Variants in CNBD1 observed in about 807,000 individuals in gnomAD.
CNBD1 encodes cyclic nucleotide-binding domain-containing protein 1.
Under a neutral mutation model 54.4 loss-of-function variants are expected in CNBD1, and 71 were observed. The observed-to-expected ratio is 1.30, with a 90% CI of 1.08 to 1.59. The LOEUF (loss-of-function observed/expected upper bound fraction) is 1.59. Among genes scored for constraint, CNBD1 ranks in the 40% most tolerant of loss-of-function variants. The probability of loss-of-function intolerance (pLI) is 0.00; values close to 1 mark genes in which losing one functional copy is unlikely to be tolerated. For synonymous variants in CNBD1, 182 were observed against 170.7 expected, an observed-to-expected ratio of 1.07 and a Z score of -0.51; for missense variants, 659 against 518.0, an observed-to-expected ratio of 1.27 and a Z score of -2.64.
At chr8:87,336,847 T>A (rs956840619) in intron 8 of CNBD1, among the ~76,000 whole-genome samples, 1 of 152,216 alleles carries the variant, frequency 6.6e-6, no homozygotes, top group Non-Finnish European at 1.5e-5. Flanking sequence ...AGTTTCAGTC[T>A]TTGAAGCTAC....
At chr8:86,908,800 T>TTTTAGACGGAGTCC (rs1554629463) in intron 3 of CNBD1, among the ~76,000 whole-genome samples, 4 of 135,770 alleles carry the variant, frequency 2.9e-5, no homozygotes, top group African/African-American at 5.5e-5. Flanking sequence ...TTTTTTTTTT[T>TTTTAGACGGAGTCC]TGTGCTGAGG....
At chr8:87,115,653 C>T (rs1563474499) in intron 4 of CNBD1, among the ~76,000 whole-genome samples, 1 of 152,074 alleles carries the variant, frequency 6.6e-6, no homozygotes, top group Non-Finnish European at 1.5e-5. Context: ...TTGAAGTTCC[C>T]ACTAGAGAGC....
chr8:87,316,621 C>CT lies in CNBD1; in HGVS notation c.1042+29959dup, dbSNP rs540254059. On this transcript the variant is annotated intron_variant, in intron 8 of 10. Transcript: ENST00000518476. ...TAGATGTACAATAATTTCTATTACA[C>CT]TTTTTTTTTGCAATAGGAAACAAGT... Among the ~76,000 whole-genome samples the CT allele has an allele frequency of 2.0e-4, 30 of 150,632 alleles. 1 individual carries two copies. The highest frequency in any genetic ancestry group is 8.0e-4 in the Admixed American group (12 of 15,038).
intron 10 of CNBD1, among the ~76,000 whole-genome samples, chr8:87,377,138 T>A (rs886788119): frequency 4.7e-5 from 7 of 149,144 alleles, no homozygotes; most frequent in African/African-American, 1.5e-4. Flanking sequence ...TTTTATTTAT[T>A]TTTTTATGAT....
intron 2 of CNBD1, among the ~76,000 whole-genome samples, chr8:87,422,882 G>A (rs920596265): frequency 2.6e-5 from 4 of 152,090 alleles, no homozygotes; most frequent in Admixed American, 1.3e-4. Context: ...CCATTTTCAC[G>A]ATACTGATTC....
chr8:86,910,001 G>C (rs1360288024), intron 3 of CNBD1, among the ~76,000 whole-genome samples: 1 of 152,156 alleles, frequency 6.6e-6, no homozygotes, highest in African/African-American at 2.4e-5. Context: ...TTATGAGTCA[G>C]ATCTTCTCAA....
intron 6 of CNBD1, among the ~76,000 whole-genome samples, chr8:87,238,733 A>T (rs897902341): frequency 6.6e-6 from 1 of 152,090 alleles, no homozygotes; most frequent in African/African-American, 2.4e-5. Flanking sequence ...CTATTTATAT[A>T]CCAAGTCAGA....
At chr8:87,280,890 TATG>T (rs1270750858) in intron 6 of CNBD1, among the ~76,000 whole-genome samples, 4 of 151,518 alleles carry the variant, frequency 2.6e-5, no homozygotes, top group Admixed American at 6.6e-5. Flanking sequence ...AATTTACAAG[TATG>T]AGAAACTGTT....
At chr8:87,021,661 C>G (rs1048082515) in intron 4 of CNBD1, among the ~76,000 whole-genome samples, 3 of 152,174 alleles carry the variant, frequency 2.0e-5, no homozygotes, top group Non-Finnish European at 4.4e-5. Context: ...CCCATTGACA[C>G]TTGTAGGGTA....
chr8:87,199,335 T>A (rs553333697), intron 4 of CNBD1, among the ~76,000 whole-genome samples: 37 of 152,240 alleles, frequency 2.4e-4, no homozygotes, highest in South Asian at 4.1e-4. Context: ...CAACAACAGA[T>A]TTGAGTTGCC....
intron 10 of CNBD1, among the ~76,000 whole-genome samples, chr8:87,375,385 A>G (rs997323327): frequency 2.0e-5 from 3 of 151,880 alleles, no homozygotes; most frequent in Admixed American, 6.6e-5. Flanking sequence ...AGACAAACCA[A>G]TAATCAAAAT....
At chr8:87,427,155 C>T (rs1219527071) in intron 2 of CNBD1, among the ~76,000 whole-genome samples, 2 of 152,030 alleles carry the variant, frequency 1.3e-5, no homozygotes, top group South Asian at 2.1e-4. Context: ...GATATATGTG[C>T]TTTCAGACTC....
intron 4 of CNBD1, among the ~76,000 whole-genome samples, chr8:87,051,232 G>A (rs559197354): frequency 2.0e-5 from 3 of 152,292 alleles, no homozygotes; most frequent in Admixed American, 1.3e-4. Flanking sequence ...TGCTAGGGGA[G>A]GAGGGAATGC....
At chr8:87,419,642 A>G (rs945240483) in intron 2 of CNBD1, among the ~76,000 whole-genome samples, 2 of 151,966 alleles carry the variant, frequency 1.3e-5, no homozygotes, top group Admixed American at 1.3e-4. Flanking sequence ...GAGTAATGAA[A>G]TTGATACTGT....
At chr8:87,261,353 C>G (rs1808137018) in intron 6 of CNBD1, among the ~76,000 whole-genome samples, 1 of 151,966 alleles carries the variant, frequency 6.6e-6, no homozygotes, top group African/African-American at 2.4e-5. Flanking sequence ...TTGCTAGAAG[C>G]TTTACTTTGG....
intron 2 of CNBD1, among the ~76,000 whole-genome samples, chr8:87,407,173 A>G (rs1563590044): frequency 6.6e-6 from 1 of 152,066 alleles, no homozygotes; most frequent in Non-Finnish European, 1.5e-5. Context: ...TACTTACTAC[A>G]CCTATCTGTA....
At chr8:87,168,701 C>A (rs1175206161) in intron 4 of CNBD1, among the ~76,000 whole-genome samples, 3 of 151,980 alleles carry the variant, frequency 2.0e-5, no homozygotes, top group Non-Finnish European at 4.4e-5. Context: ...TTCTGTGCCT[C>A]CCTTATTTCA....
At chr8:87,360,467 T>G (rs1810503340) in intron 10 of CNBD1, among the ~76,000 whole-genome samples, 1 of 151,880 alleles carries the variant, frequency 6.6e-6, no homozygotes, top group South Asian at 2.1e-4. Flanking sequence ...TCCTCTGTTT[T>G]TCACATGCTA....
At chr8:87,124,108 A>G (rs1811946797) in intron 4 of CNBD1, among the ~76,000 whole-genome samples, 2 of 151,706 alleles carry the variant, frequency 1.3e-5, no homozygotes, top group Non-Finnish European at 3.0e-5. Context: ...AATGGAGGGA[A>G]TACTTCTAAA....
Sources: allele counts gnomAD v4.1 joint callset (sites outside exome capture counted in the v4.1 genomes callset), GRCh38; gene constraint gnomAD v4.1.1; transcripts MANE v1.5; gene names NCBI Gene and HGNC (gene_info 2026-07-23, HGNC 2026-07-21).